ANKS1B: variants seen among roughly 807,000 people sequenced by gnomAD.
The protein encoded by ANKS1B is ankyrin repeat and sterile alpha motif domain containing 1B.
ANKS1B carries 36 observed loss-of-function variants against 148.3 expected under a neutral mutation model. The ratio of observed to expected loss-of-function variants is 0.24; its 90% CI spans 0.19 to 0.32. ANKS1B has a LOEUF of 0.32. Ranked by LOEUF, ANKS1B falls within the 10% of genes least tolerant of loss-of-function variation. The pLI, the probability that ANKS1B is intolerant of heterozygous loss-of-function variation, is 1.00. For missense variants in ANKS1B, 1,157 were observed against 1,542.6 expected, an observed-to-expected ratio of 0.75 and a Z score of 4.19; for synonymous variants, 542 against 560.8, an observed-to-expected ratio of 0.97 and a Z score of 0.47.
Position 98,747,562 on chromosome 12 carries a change from T to TA in ANKS1B, c.3748-1714dup, listed in dbSNP as rs760597970. 5.3e-5 allele frequency among the ~76,000 whole-genome samples: 8 copies of TA among 152,274 alleles called. No homozygotes were observed. In the East Asian group the frequency reaches 1.5e-3, roughly 29 times the overall value. On this transcript the variant is annotated intron_variant, in intron 26 of 26. Coordinates refer to ENST00000683438, the MANE Select transcript of ANKS1B (RefSeq NM_001352186.2). Reference sequence around the variant, plus strand: ...ATAGCATGGAGGGTCCTCAAAAAACTAAAAATTGAGCTACCATATGTTCCA... The same window carrying TA: ...ATAGCATGGAGGGTCCTCAAAAAACTAAAAAATTGAGCTACCATATGTTCCA...
At chr12:99,961,649 A>C (rs939097842) in intron 1 of ANKS1B, among the ~76,000 whole-genome samples, 2 of 152,232 alleles carry the variant, frequency 1.3e-5, no homozygotes, top group African/African-American at 4.8e-5. Context: ...GGAAGGATAT[A>C]TTAAACATGG....
chr12:99,052,474 T>A (rs532205409), intron 17 of ANKS1B, among the ~76,000 whole-genome samples: 59 of 148,686 alleles, frequency 4.0e-4, no homozygotes, highest in African/African-American at 1.4e-3. Flanking sequence ...ACGCCTGTAA[T>A]CCCAGCACTT....
At chr12:99,338,540 C>T (rs1284011587) in intron 12 of ANKS1B, among the ~76,000 whole-genome samples, 2 of 152,184 alleles carry the variant, frequency 1.3e-5, no homozygotes, top group Non-Finnish European at 1.5e-5. Context: ...AGCTGGTGCC[C>T]AAGCTGCACA....
chr12:99,792,534 CTG>C (rs1437539705), intron 4 of ANKS1B, among the ~76,000 whole-genome samples: 1 of 151,788 alleles, frequency 6.6e-6, no homozygotes, highest in Admixed American at 6.6e-5. Flanking sequence ...GGATTTATCC[CTG>C]TGATGCAAGG....
At chr12:99,754,137 G>T (rs1191955218) in intron 8 of ANKS1B, among the ~76,000 whole-genome samples, 1 of 151,940 alleles carries the variant, frequency 6.6e-6, no homozygotes, top group Non-Finnish European at 1.5e-5. Context: ...ACACACATAG[G>T]CTCAAAATAA....
rs761586560 is a variant in ANKS1B at position 99,014,659 on chromosome 12, C to A, written c.2778+38498G>T. On this transcript the variant is annotated intron_variant, in intron 17 of 26. Coordinates refer to ENST00000683438, the MANE Select transcript of ANKS1B (RefSeq NM_001352186.2). ...TCTAATATCCAGCATCTATAAGGAACTTAAACAAATTTACAAGAAAAATAC... is the reference window on the plus strand; with the variant it reads ...TCTAATATCCAGCATCTATAAGGAAATTAAACAAATTTACAAGAAAAATAC... 6.9e-4 allele frequency among the ~76,000 whole-genome samples: 105 copies of A among 151,702 alleles called. 3 individuals carry two copies. Among genetic ancestry groups the A allele is most frequent in the Middle Eastern group, 3.2e-3 (1 of 316 alleles).
chr12:99,833,421 T>C (rs943286679), intron 1 of ANKS1B, among the ~76,000 whole-genome samples: 9 of 152,174 alleles, frequency 5.9e-5, no homozygotes, highest in East Asian at 3.9e-4. Context: ...AATGCAGATA[T>C]AGTGGTAGAG....
At chr12:99,543,861 C>T (rs554252308) in intron 9 of ANKS1B, among the ~76,000 whole-genome samples, 25 of 152,040 alleles carry the variant, frequency 1.6e-4, no homozygotes, top group Non-Finnish European at 3.1e-4. Context: ...CAATATGGGA[C>T]ACCGAAGCTA....
At position 99,907,812 on chromosome 12, in the gene ANKS1B, TAAAAAAAAAA is replaced by T. The variant is rs751468199; in HGVS notation, c.134+76282_134+76291del. On this transcript the variant is annotated intron_variant, in intron 1 of 26. Transcript: ENST00000683438. ...GTTTTCTCCTCTCCAGAGAAATTCT[TAAAAAAAAAA>T]AAAAAAAAAAAAAAAACTGTAAAAA... Among the ~76,000 whole-genome samples the T allele has an allele frequency of 1.2e-3, 120 of 100,154 alleles. 1 individual carries two copies. The highest frequency in any genetic ancestry group is 3.9e-3 in the African/African-American group (103 of 26,400). The allele number at this position is 100,154 out of a possible 152,430, so 65.7% of individuals were successfully genotyped here. A position where few individuals can be genotyped will look rare whatever the true frequency, so the allele number is the denominator to read the frequency against.
chr12:99,253,068 G>A lies in ANKS1B; in HGVS notation c.1757-6204C>T, dbSNP rs138209223. 8.2e-3 allele frequency among the ~76,000 whole-genome samples: 1,245 copies of A among 152,140 alleles called. 9 individuals are homozygous for A. Among genetic ancestry groups the A allele is most frequent in the Non-Finnish European group, 0.011 (743 of 68,006 alleles). On this transcript the variant is annotated intron_variant, in intron 12 of 26. Transcript: ENST00000683438. ...GCAAGACCTCATCTGTACAAAAAGT[G>A]TTTAAAAGAAATTTAAGCATGATAA...
chr12:98,743,540 C>G (rs993794852), downstream of ANKS1B, among the ~76,000 whole-genome samples: 1 of 150,852 alleles, frequency 6.6e-6, no homozygotes, highest in Non-Finnish European at 1.5e-5. Context: ...CGCCTCTCAT[C>G]TGCCCCCTGC....
intron 15 of ANKS1B, among the ~76,000 whole-genome samples, chr12:99,116,023 T>G (rs141695418): frequency 3.4e-3 from 522 of 152,162 alleles, no homozygotes; most frequent in Non-Finnish European, 5.9e-3. Flanking sequence ...TGGTCTTGGA[T>G]AGATTACTTA....
At chr12:99,750,585 A>G (rs1019583600) in intron 8 of ANKS1B, among the ~76,000 whole-genome samples, 8 of 152,046 alleles carry the variant, frequency 5.3e-5, no homozygotes, top group Non-Finnish European at 1.0e-4. Flanking sequence ...CATATTTCCT[A>G]GTCTTGCAGT....
At chr12:99,013,361 T>C (rs1408357871) in intron 17 of ANKS1B, among the ~76,000 whole-genome samples, 1 of 151,770 alleles carries the variant, frequency 6.6e-6, no homozygotes, top group Non-Finnish European at 1.5e-5. Context: ...TTCAACATAA[T>C]ATGGGAAGTA....
At chr12:98,856,870 G>A (rs61933622) in intron 17 of ANKS1B, among the ~76,000 whole-genome samples, 22,591 of 152,156 alleles carry the variant, frequency 0.15, 2,015 homozygotes, top group Admixed American at 0.21. Flanking sequence ...ACAAATGACA[G>A]GGTATGACAT....
intron 1 of ANKS1B, among the ~76,000 whole-genome samples, chr12:99,885,881 C>T (rs1232573624): frequency 1.3e-5 from 2 of 152,142 alleles, no homozygotes; most frequent in Non-Finnish European, 2.9e-5. Flanking sequence ...TGTGTTACTT[C>T]ACTTAGAATA....
chr12:99,850,232 T>C (rs1020086798), intron 1 of ANKS1B, among the ~76,000 whole-genome samples: 1 of 149,630 alleles, frequency 6.7e-6, no homozygotes, highest in Non-Finnish European at 1.5e-5. Context: ...AAACATGTTA[T>C]CCCAAAATAT....
At chr12:98,861,081 C>T (rs748306485) in intron 17 of ANKS1B, among the ~76,000 whole-genome samples, 1 of 152,102 alleles carries the variant, frequency 6.6e-6, no homozygotes, top group Non-Finnish European at 1.5e-5. Context: ...ACCCTTTCTC[C>T]CCTCCAGAGT....
At chr12:99,120,461 T>C (rs1409318601) in intron 15 of ANKS1B, among the ~76,000 whole-genome samples, 1 of 152,254 alleles carries the variant, frequency 6.6e-6, no homozygotes, top group African/African-American at 2.4e-5. Context: ...CATCTGTGAA[T>C]ATAATCAATA....
Sources: gnomAD v4.1 joint callset for allele counts (sites outside exome capture counted in the v4.1 genomes callset) on GRCh38, gnomAD v4.1.1 for gene constraint, MANE v1.5 for transcripts, NCBI Gene and HGNC (gene_info 2026-07-23, HGNC 2026-07-21) for gene names.